ATXN2L: variants seen among roughly 807,000 people sequenced by gnomAD.
ATXN2L encodes ataxin 2 like, also known as ataxin-2-like protein.
A neutral mutation model predicts 120.7 loss-of-function variants in ATXN2L; 24 were observed. That is an observed-to-expected ratio of 0.20 (90% confidence interval 0.14 to 0.28). ATXN2L has a LOEUF of 0.28. ATXN2L is among the 10% of genes least tolerant of loss of function. ATXN2L has a pLI of 1.00. For missense variants in ATXN2L, 1,312 were observed against 1,432.3 expected (o/e 0.92, Z 1.36); for synonymous variants, 653 against 568.1 (o/e 1.15, Z -2.13).
chr16:28,825,575 G>T, intron 2 of ATXN2L, 49 bp from the exon 3 acceptor site: 1 of 1,587,490 alleles, frequency 6.3e-7, no homozygotes, highest in Non-Finnish European at 8.7e-7. Flanking sequence ...AAGAAAATGA[G>T]GTGTTGACTG....
chr16:28,835,979 G>C lies in ATXN2L; in HGVS notation c.2942G>C (p.Gly981Ala). ...ACAGCAGCCCCGCCCCCTCACCCTG[G>C]GGCTCCCCACCCGCCCCAGGTGATG... ...GITAAPPPHPGAPHPPQVMLL... is the reference protein window; with the variant it reads ...GITAAPPPHPAAPHPPQVMLL... The change falls in exon 22 of 22, where the codon GGG (glycine) becomes GCG (alanine). Residue 981 changes from glycine (G) to alanine (A), a missense_variant. Gly to Ala is a moderately conservative substitution (Grantham distance 60). Coordinates refer to ENST00000336783, the MANE Select transcript of ATXN2L (RefSeq NM_007245.4). 6.5e-7 allele frequency: 1 copy of C among 1,544,710 alleles called. No individual in the cohort carries two copies. Among genetic ancestry groups the C allele is most frequent in the Non-Finnish European group, 8.7e-7 (1 of 1,146,260 alleles).
intron 1 of ATXN2L, chr16:28,824,390 G>A (rs947523700): frequency 1.6e-6 from 2 of 1,261,138 alleles, no homozygotes; most frequent in African/African-American, 3.1e-5. Context: ...GGGTTTTAGT[G>A]CGCAGGCGCA....
Position 28,836,621 on chromosome 16 carries a change from C to T in ATXN2L, c.*356C>T, listed in dbSNP as rs538877169. 109 of 1,598,856 alleles carry T rather than the reference C, an allele frequency of 6.8e-5. 1 individual carries two copies. Among genetic ancestry groups the T allele is most frequent in the East Asian group, 2.9e-4 (13 of 44,666 alleles). ...AGCCCCCGAGACACCTTGAGGAGGC[C>T]GCTCCTTCCCAGACACACCCCCACG... On this transcript the variant is annotated 3_prime_UTR_variant, in exon 22 of 22. Transcript: ENST00000336783.
chr16:28,836,306 A>ACT lies in ATXN2L; in HGVS notation c.*42_*43insTC. 2 of 1,610,774 alleles carry ACT rather than the reference A, an allele frequency of 1.2e-6. No homozygotes were observed. The highest frequency in any genetic ancestry group is 1.7e-6 in the Non-Finnish European group (2 of 1,178,412). The stretch of plus-strand genomic sequence containing the variant: ...GGGCTGTCCCACAGGGCGCCCGCCG[A>ACT]CCTGCACCTGTCTGTGAAGTATGTA... On this transcript the variant is annotated 3_prime_UTR_variant, in exon 22 of 22. Transcript: ENST00000336783.
chr16:28,824,110 C>T (rs946656353), intron 1 of ATXN2L: 34 of 1,015,718 alleles, frequency 3.3e-5, no homozygotes, highest in African/African-American at 7.0e-5. Flanking sequence ...ACTGGGAGGA[C>T]TGCGGGCCGG....
intron 15 of ATXN2L, 92 bp from the exon 16 acceptor site, chr16:28,833,973 G>T: frequency 7.1e-7 from 1 of 1,401,062 alleles, no homozygotes; most frequent in Non-Finnish European, 9.9e-7. Context: ...TTGGTATGCA[G>T]CATTTCACGA....
rs1365636212 is a variant in ATXN2L at position 28,834,513 on chromosome 16, T to C, written c.2253T>C (p.Leu751=). Residue 751 remains leucine (L), a synonymous_variant, in exon 18 of 22, where the codon CTT becomes CTC. Transcript: ENST00000336783. ...CTCCTCCTCCTCTTCCAGGCTCCCTTCCTCCGCAGCGCTCGGACCAACACC... is the reference window on the plus strand; with the variant it reads ...CTCCTCCTCCTCTTCCAGGCTCCCTCCCTCCGCAGCGCTCGGACCAACACC... ...QGKYRGAKGS[L]PPQRSDQHQP... The C allele has an allele frequency of 6.2e-7, 1 of 1,611,266 alleles. No homozygotes were observed. Among genetic ancestry groups the C allele is most frequent in the Admixed American group, 1.7e-5 (1 of 59,976 alleles).
At position 28,836,702 on chromosome 16, in the gene ATXN2L, C is replaced by T. The variant is rs1961051433; in HGVS notation, c.*437C>T. On this transcript the variant is annotated 3_prime_UTR_variant, in exon 22 of 22. Transcript: ENST00000336783. ...AGCTGCTTGGGTTCTAATGCTCCTG[C>T]TCTCTTCTCTTTCCCCTCCAACCAG... 2 of 1,613,960 alleles carry T rather than the reference C, an allele frequency of 1.2e-6. No homozygotes were observed. The highest frequency in any genetic ancestry group is 2.2e-5 in the East Asian group (1 of 44,864).
chr16:28,833,823 G>C, intron 15 of ATXN2L: 1 of 628,762 alleles, frequency 1.6e-6, no homozygotes, highest in South Asian at 2.0e-5. Flanking sequence ...GAGGCCAGCT[G>C]ACTTGGCTTG....
Position 28,826,300 on chromosome 16 carries a change from C to T in ATXN2L, c.526C>T (p.Arg176Trp), listed in dbSNP as rs200784244. 7.8e-5 allele frequency: 126 copies of T among 1,614,056 alleles called. 1 individual carries two copies. Among genetic ancestry groups the T allele is most frequent in the Non-Finnish European group, 7.7e-5 (91 of 1,180,040 alleles). The change falls in exon 5 of 22, where the codon CGG becomes TGG. Residue 176 changes from arginine to tryptophan, a missense_variant. Arg to Trp is a moderately radical substitution (Grantham distance 101). Coordinates refer to ENST00000336783, the MANE Select transcript of ATXN2L (RefSeq NM_007245.4). ...KASEPAGGPR[R>W]EDIVDTMVFK... ...ATCTGAGCCAGCAGGTGGCCCTCGT[C>T]GGGAGGACATTGTGGACACCATGGT...
Position 28,836,514 on chromosome 16 carries a change from A to G in ATXN2L, c.*249A>G, listed in dbSNP as rs1282266657. 6.2e-7 allele frequency: 1 copy of G among 1,600,644 alleles called. No homozygotes were observed. Among genetic ancestry groups the G allele is most frequent in the African/African-American group, 1.3e-5 (1 of 74,576 alleles). Reference sequence around the variant, plus strand: ...AGGTCAGTGCAGCAGACAGGGCCAGACTGGGGTGTGGGGGGCTGAGCTGGG... The same window carrying G: ...AGGTCAGTGCAGCAGACAGGGCCAGGCTGGGGTGTGGGGGGCTGAGCTGGG... On this transcript the variant is annotated 3_prime_UTR_variant, in exon 22 of 22. Coordinates refer to ENST00000336783, the MANE Select transcript of ATXN2L (RefSeq NM_007245.4).
intron 1 of ATXN2L, among the ~76,000 whole-genome samples, chr16:28,825,055 A>AT (rs201634694): frequency 7.6e-5 from 10 of 132,360 alleles, no homozygotes; most frequent in Non-Finnish European, 1.2e-4. Flanking sequence ...TCTACTAAAA[A>AT]TTAAAAAAAA....
rs1410584172 is a variant in ATXN2L, at chr16:28,824,506, C to A, written c.300-860C>A. The A allele has an allele frequency of 2.3e-6, 3 of 1,288,094 alleles. No homozygotes were observed. In the Admixed American group the frequency reaches 6.9e-5, roughly 30 times the overall value. The allele number at this position is 1,288,094 out of a possible 1,614,324, so 79.8% of individuals were successfully genotyped here. On this transcript the variant is annotated intron_variant, in intron 1 of 21. Coordinates refer to ENST00000336783, the MANE Select transcript of ATXN2L (RefSeq NM_007245.4). ...AACCGCCGGTTACATCAGCCAGCGA[C>A]GAGCAGGGTTACCTGGCGATTGGTG...
intron 1 of ATXN2L, chr16:28,824,159 G>A: frequency 9.8e-7 from 1 of 1,021,754 alleles, no homozygotes. Context: ...GTACGTGCGC[G>A]TGGATGCTCG....
chr16:28,833,644 A>T, intron 15 of ATXN2L, 136 bp downstream of exon 15: 1 of 949,702 alleles, frequency 1.1e-6, no homozygotes, highest in Non-Finnish European at 1.6e-6. Flanking sequence ...TGTCATAAAA[A>T]TGTAAGGATG....
intron 6 of ATXN2L, among the ~76,000 whole-genome samples, chr16:28,828,286 G>A (rs2052990951): frequency 2.0e-5 from 3 of 152,116 alleles, no homozygotes; most frequent in African/African-American, 7.2e-5. Flanking sequence ...GCAGTTGTTA[G>A]TAATCATTAA....
At chr16:28,824,509 G>A in intron 1 of ATXN2L, 2 of 1,288,224 alleles carry the variant, frequency 1.6e-6, no homozygotes, top group Non-Finnish European at 2.0e-6. Flanking sequence ...CCAGCGACGA[G>A]CAGGGTTACC....
intron 20 of ATXN2L, 51 bp from the exon 21 acceptor site, chr16:28,835,498 G>T (rs1241063165): frequency 6.2e-7 from 1 of 1,610,408 alleles, no homozygotes; most frequent in African/African-American, 1.3e-5. Flanking sequence ...GAGGACTGGG[G>T]GCCAGCGAGT....
In ATXN2L at chr16:28,823,566, G is replaced by T; in HGVS notation, c.299+8G>T. The T allele has an allele frequency of 7.5e-7, 1 of 1,334,070 alleles. No homozygotes were observed. Among genetic ancestry groups the T allele is most frequent in the South Asian group, 1.9e-5 (1 of 53,014 alleles). 82.6% of individuals were successfully genotyped at this position (1,334,070 alleles called of 1,614,324 possible). A position where few individuals can be genotyped will look rare whatever the true frequency, so the allele number is the denominator to read the frequency against. On this transcript the variant is annotated splice_region_variant and intron_variant, in intron 1 of 21. Transcript: ENST00000336783. Reference sequence around the variant, plus strand: ...CGCCATCGGCAGCGCCAGGTGAGAAGGGTGGGCTCCGGGCGAGGGAGCCGC... The same window carrying T: ...CGCCATCGGCAGCGCCAGGTGAGAATGGTGGGCTCCGGGCGAGGGAGCCGC...
Sources: gnomAD v4.1 joint callset for allele counts (sites outside exome capture counted in the v4.1 genomes callset) on GRCh38, gnomAD v4.1.1 for gene constraint, MANE v1.5 for transcripts, NCBI Gene and HGNC (gene_info 2026-07-23, HGNC 2026-07-21) for gene names.